BRINP1: variants seen among roughly 807,000 people sequenced by gnomAD.
BRINP1 encodes BMP/retinoic acid inducible neural specific 1.
A neutral mutation model predicts 72.9 loss-of-function variants in BRINP1; 17 were observed. The observed-to-expected ratio is 0.23, with a 90% CI of 0.16 to 0.35. BRINP1 has a LOEUF of 0.35. Ranked by LOEUF, BRINP1 falls within the 10% of genes least tolerant of loss-of-function variation. The pLI is 1.00. For synonymous variants in BRINP1, 418 were observed against 378.5 expected (o/e 1.10, Z -1.21); for missense variants, 850 against 1,001.6 (o/e 0.85, Z 2.04).
chr9:119,307,608 CA>C (rs1384161024), intron 2 of BRINP1, among the ~76,000 whole-genome samples: 1 of 152,162 alleles, frequency 6.6e-6, no homozygotes, highest in Non-Finnish European at 1.5e-5. Flanking sequence ...CTTCCTCAGC[CA>C]GTTAACCAGT....
Position 119,214,079 on chromosome 9 carries a change from C to G in BRINP1, c.762G>C (p.Gly254=). The change falls in exon 6 of 8, where the codon GGG becomes GGC. Residue 254 remains glycine (G), a synonymous_variant. Coordinates refer to ENST00000265922, the MANE Select transcript of BRINP1 (RefSeq NM_014618.3). ...QSALSYIMCN[G]EGEYLCQNSQ... ...TGTTCTGGCACAGGTACTCCCCCTC[C>G]CCATTGCACATGATATAGCTCAAGG... 1.2e-6 allele frequency: 2 copies of G among 1,614,178 alleles called. No homozygotes were observed. The highest frequency in any genetic ancestry group is 1.7e-6 in the Non-Finnish European group (2 of 1,180,022).
At chr9:119,314,100 A>G (rs115750702) in intron 1 of BRINP1, among the ~76,000 whole-genome samples, 1,634 of 152,294 alleles carry the variant, frequency 0.011, 26 homozygotes, top group African/African-American at 0.036. Flanking sequence ...ATGTCTCCCA[A>G]ACCCAAAGAA....
intron 2 of BRINP1, among the ~76,000 whole-genome samples, chr9:119,278,037 T>A (rs566328222): frequency 6.6e-6 from 1 of 152,252 alleles, no homozygotes; most frequent in Non-Finnish European, 1.5e-5. Context: ...TATATAGTTA[T>A]TCCTTATCTA....
chr9:119,220,939 C>T (rs1329951559), intron 5 of BRINP1, among the ~76,000 whole-genome samples: 1 of 152,104 alleles, frequency 6.6e-6, no homozygotes, highest in Non-Finnish European at 1.5e-5. Flanking sequence ...AAAGACCATG[C>T]ATTGTCATAG....
chr9:119,228,012 T>C (rs969111767), intron 5 of BRINP1, among the ~76,000 whole-genome samples: 3 of 152,072 alleles, frequency 2.0e-5, no homozygotes, highest in Non-Finnish European at 2.9e-5. Flanking sequence ...TGTTGCAAGA[T>C]GATTTTGAAA....
At chr9:119,254,713 AG>A (rs1465927518) in intron 2 of BRINP1, among the ~76,000 whole-genome samples, 2 of 152,212 alleles carry the variant, frequency 1.3e-5, no homozygotes, top group African/African-American at 4.8e-5. Context: ...ATAAAGGTCC[AG>A]GTAGTAAATA....
intron 1 of BRINP1, 25 bp downstream of exon 1, chr9:119,369,031 G>C (rs1177509747): frequency 2.8e-5 from 11 of 393,798 alleles, no homozygotes; most frequent in Non-Finnish European, 4.5e-5. Flanking sequence ...GGGGCTGCGG[G>C]GCGCTGCACC....
intron 1 of BRINP1, among the ~76,000 whole-genome samples, chr9:119,366,514 G>A (rs879547547): frequency 0.31 from 22,598 of 73,632 alleles, 3,005 homozygotes; most frequent in East Asian, 0.6. Context: ...GTGTGTGTGT[G>A]TGTGTGTGTG....
At chr9:119,308,769 C>A (rs1231316702) in intron 2 of BRINP1, among the ~76,000 whole-genome samples, 2 of 152,092 alleles carry the variant, frequency 1.3e-5, no homozygotes, top group East Asian at 1.9e-4. Flanking sequence ...GGAGATGCAA[C>A]GTAAGCCACA....
chr9:119,282,860 A>T, intron 2 of BRINP1: 1 of 985,270 alleles, frequency 1.0e-6, no homozygotes, highest in Non-Finnish European at 1.2e-6. Context: ...GTGATAGATT[A>T]CCTCTTACGG....
chr9:119,167,278 C>G lies in BRINP1; in HGVS notation c.2092G>C (p.Asp698His). 6.2e-7 allele frequency: 1 copy of G among 1,614,164 alleles called. No individual in the cohort carries two copies. The highest frequency in any genetic ancestry group is 8.5e-7 in the Non-Finnish European group (1 of 1,180,038). Residue 698 changes from aspartate to histidine, a missense_variant, in exon 8 of 8, where the codon GAT (aspartate) becomes CAT (histidine). Asp to His is a moderately conservative substitution (Grantham distance 81). Transcript: ENST00000265922. The surrounding 1 kb of genome is among the most constrained non-coding windows in gnomAD (Gnocchi z 4.3). ...SSSSVMLLLL[D>H]IRDRINRLAP... The stretch of plus-strand genomic sequence containing the variant: ...AGGCGATTAATTCGGTCCCGAATAT[C>G]CAACAAGAGGAGCATCACTGACGAA...
chr9:119,272,174 G>T (rs1041995385), intron 2 of BRINP1, among the ~76,000 whole-genome samples: 1 of 151,242 alleles, frequency 6.6e-6, no homozygotes, highest in Non-Finnish European at 1.5e-5. Flanking sequence ...CGCCTCCCGG[G>T]TTCAAGCAAT....
intron 1 of BRINP1, among the ~76,000 whole-genome samples, chr9:119,364,658 G>A (rs1443996266): frequency 1.3e-5 from 2 of 152,216 alleles, no homozygotes; most frequent in Non-Finnish European, 2.9e-5. Flanking sequence ...AATTCTAGCT[G>A]TGATGGTTGT....
At chr9:119,178,914 G>A (rs745575638) in intron 7 of BRINP1, among the ~76,000 whole-genome samples, 5 of 152,152 alleles carry the variant, frequency 3.3e-5, no homozygotes, top group Non-Finnish European at 7.3e-5. Flanking sequence ...GAAAAATACT[G>A]AAAGTTTGAG....
At chr9:119,261,252 CTA>C (rs1289133022) in intron 2 of BRINP1, among the ~76,000 whole-genome samples, 1 of 152,142 alleles carries the variant, frequency 6.6e-6, no homozygotes, top group Non-Finnish European at 1.5e-5. Flanking sequence ...CTAGGAAATG[CTA>C]TGAGTTTCAG....
chr9:119,207,358 A>C (rs1042127108), intron 7 of BRINP1, among the ~76,000 whole-genome samples: 3 of 152,240 alleles, frequency 2.0e-5, no homozygotes, highest in African/African-American at 7.2e-5. Flanking sequence ...GTTGGTTCAA[A>C]AGTCATCGTG....
At chr9:119,297,853 G>A (rs1000564424) in intron 2 of BRINP1, among the ~76,000 whole-genome samples, 1 of 152,056 alleles carries the variant, frequency 6.6e-6, no homozygotes, top group African/African-American at 2.4e-5. Context: ...AACAAATGCA[G>A]GTTGAGCTGA....
intron 7 of BRINP1, among the ~76,000 whole-genome samples, chr9:119,205,892 C>T (rs1049739393): frequency 6.6e-6 from 1 of 152,074 alleles, no homozygotes; most frequent in Non-Finnish European, 1.5e-5. Flanking sequence ...CATCGAGCTT[C>T]GTTGCTCCTT....
At chr9:119,279,228 C>A (rs1830685257) in intron 2 of BRINP1, among the ~76,000 whole-genome samples, 6 of 152,224 alleles carry the variant, frequency 3.9e-5, no homozygotes, top group Admixed American at 3.9e-4. Context: ...TATTTGAAAA[C>A]AAACATCACC....
Sources: allele counts gnomAD v4.1 joint callset (sites outside exome capture counted in the v4.1 genomes callset), GRCh38; gene constraint gnomAD v4.1.1; non-coding constraint Gnocchi (gnomAD v3.1); transcripts MANE v1.5; gene names NCBI Gene and HGNC (gene_info 2026-07-23, HGNC 2026-07-21).